Variants in NCKAP5 observed in about 807,000 individuals in gnomAD.
NCKAP5 encodes the protein nck-associated protein 5.
A neutral mutation model predicts 167.0 loss-of-function variants in NCKAP5; 92 were observed. The observed-to-expected ratio is 0.55, with a 90% CI of 0.47 to 0.66. The LOEUF (loss-of-function observed/expected upper bound fraction) is 0.66. Among genes scored for constraint, NCKAP5 ranks in the 30% least tolerant of loss-of-function variants. The probability of loss-of-function intolerance (pLI) is 0.00; values close to 1 mark genes in which losing one functional copy is unlikely to be tolerated. For synonymous variants in NCKAP5, 891 were observed against 877.4 expected (o/e 1.02, Z -0.27); for missense variants, 2,378 against 2,315.0 (o/e 1.03, Z -0.56).
At chr2:133,010,716 A>G (rs137984854) in intron 6 of NCKAP5, among the ~76,000 whole-genome samples, 3 of 152,232 alleles carry the variant, frequency 2.0e-5, no homozygotes, top group African/African-American at 4.8e-5. Flanking sequence ...TTGACATTAA[A>G]CAATAGTCAA....
the NCKAP5 span, among the ~76,000 whole-genome samples, chr2:133,629,410 CA>C: frequency 6.6e-6 from 1 of 152,076 alleles, no homozygotes; most frequent in Non-Finnish European, 1.5e-5. Flanking sequence ...TAGAGAAATG[CA>C]AATCAAAACC....
At chr2:132,907,126 C>G (rs1394274984) in intron 8 of NCKAP5, among the ~76,000 whole-genome samples, 2 of 152,174 alleles carry the variant, frequency 1.3e-5, no homozygotes, top group African/African-American at 4.8e-5. Context: ...TATTACTAAA[C>G]ATTACTTTTA....
intron 6 of NCKAP5, among the ~76,000 whole-genome samples, chr2:133,045,927 T>G (rs948322882): frequency 6.6e-6 from 1 of 152,180 alleles, no homozygotes; most frequent in South Asian, 2.1e-4. Context: ...ACTGAAATAC[T>G]GGATGCCATG....
chr2:132,820,410 A>T (rs1319435827), intron 11 of NCKAP5, among the ~76,000 whole-genome samples: 1 of 151,944 alleles, frequency 6.6e-6, no homozygotes, highest in Non-Finnish European at 1.5e-5. Context: ...TTGTATTTTT[A>T]GTAGAGACGG....
At chr2:132,992,115 AC>A in intron 7 of NCKAP5, among the ~76,000 whole-genome samples, 1 of 152,096 alleles carries the variant, frequency 6.6e-6, no homozygotes, top group Middle Eastern at 3.4e-3. Flanking sequence ...CATGTAACCC[AC>A]CTCCCTTTCC....
intron 3 of NCKAP5, among the ~76,000 whole-genome samples, chr2:133,501,346 C>T (rs965831359): frequency 1.1e-4 from 16 of 152,172 alleles, no homozygotes; most frequent in African/African-American, 3.9e-4. Flanking sequence ...GACTCATACA[C>T]CAATGATCAC....
At chr2:132,716,726 T>G (rs912862573) in intron 19 of NCKAP5, among the ~76,000 whole-genome samples, 1 of 152,128 alleles carries the variant, frequency 6.6e-6, no homozygotes, top group Non-Finnish European at 1.5e-5. Flanking sequence ...TCCAATTTAA[T>G]TGAGCAACGG....
chr2:133,347,326 G>T (rs1159438196), intron 3 of NCKAP5, among the ~76,000 whole-genome samples: 1 of 152,030 alleles, frequency 6.6e-6, no homozygotes, highest in Admixed American at 6.5e-5. Context: ...GGCCAAGGCG[G>T]GCAGATCACC....
At position 132,783,526 on chromosome 2, in the gene NCKAP5, G is replaced by A. The variant is rs201400019; in HGVS notation, c.3285C>T (p.Ser1095=). 2.4e-5 allele frequency: 38 copies of A among 1,613,468 alleles called. No homozygotes were observed. Among genetic ancestry groups the A allele is most frequent in the African/African-American group, 5.3e-5 (4 of 75,004 alleles). Residue 1095 remains serine (S), a synonymous_variant, in exon 14 of 20, where the codon AGC becomes AGT. Transcript: ENST00000409261. ...AGGAAGGCTTGGGGGGTGTGGAGGCGCTATCATTCAATTGTCCTTTTCTCC... is the reference window on the plus strand; with the variant it reads ...AGGAAGGCTTGGGGGGTGTGGAGGCACTATCATTCAATTGTCCTTTTCTCC... ...SPGRKGQLND[S]ASTPPKPSFL... is the part of the protein sequence containing the mutation.
chr2:132,794,458 C>A (rs1198391668), intron 12 of NCKAP5, among the ~76,000 whole-genome samples: 1 of 150,678 alleles, frequency 6.6e-6, no homozygotes, highest in African/African-American at 2.4e-5. Context: ...CATGGTGAAA[C>A]CCCGTCTCTA....
intron 13 of NCKAP5, among the ~76,000 whole-genome samples, chr2:132,788,098 A>G (rs908741724): frequency 2.0e-5 from 3 of 152,158 alleles, no homozygotes; most frequent in African/African-American, 7.2e-5. Context: ...ACTGGAGAAA[A>G]GTCTAGGCCA....
At chr2:132,796,580 G>A (rs1350008584) in intron 12 of NCKAP5, 48 bp downstream of exon 12, 1 of 1,345,070 alleles carries the variant, frequency 7.4e-7, no homozygotes, top group Non-Finnish European at 1.1e-6. Context: ...TTGATGGAAG[G>A]AAAATAACCA....
At chr2:133,521,836 T>A (rs1342215392) in intron 2 of NCKAP5, among the ~76,000 whole-genome samples, 1 of 152,208 alleles carries the variant, frequency 6.6e-6, no homozygotes, top group Non-Finnish European at 1.5e-5. Flanking sequence ...TAACAGTTAT[T>A]TTCAGTCAGG....
At chr2:132,812,951 C>A (rs1285983241) in intron 11 of NCKAP5, among the ~76,000 whole-genome samples, 1 of 152,152 alleles carries the variant, frequency 6.6e-6, no homozygotes, top group Non-Finnish European at 1.5e-5. Context: ...CATAAGAGCT[C>A]TCATGCTCGT....
Position 133,030,607 on chromosome 2 carries a change from CT to C in NCKAP5, c.342-36369del, listed in dbSNP as rs565627833. On this transcript the variant is annotated intron_variant, in intron 6 of 19. Transcript: ENST00000409261. The stretch of plus-strand genomic sequence containing the variant: ...ATTCTGACTGGTCATTTGGATGAAG[CT>C]AGGTTGACATGTGGAAATCTTAAGA... Among the ~76,000 whole-genome samples the C allele has an allele frequency of 4.2e-3, 638 of 152,216 alleles. 3 individuals are homozygous for C. The highest frequency in any genetic ancestry group is 0.014 in the South Asian group (66 of 4,804).
At position 132,856,201 on chromosome 2, in the gene NCKAP5, T is replaced by C. The variant is rs574423629; in HGVS notation, c.807+4291A>G. On this transcript the variant is annotated intron_variant, in intron 11 of 19. Coordinates refer to ENST00000409261, the MANE Select transcript of NCKAP5 (RefSeq NM_207363.3). ...CCCTTGCTGGGACAGCTGTTTCTTA[T>C]ATGTTATTTTCCTTTATTTCACAGC... Among the ~76,000 whole-genome samples the C allele has an allele frequency of 3.9e-5, 6 of 152,276 alleles. No individual in the cohort carries two copies. In the South Asian group the frequency reaches 1.0e-3, roughly 26 times the overall value.
chr2:133,669,953 T>C, the NCKAP5 span, among the ~76,000 whole-genome samples: 1 of 152,236 alleles, frequency 6.6e-6, no homozygotes, highest in Non-Finnish European at 1.5e-5. Context: ...ACAAAGTAGA[T>C]TAATGCAATA....
intron 4 of NCKAP5, among the ~76,000 whole-genome samples, chr2:133,239,753 AT>A (rs1276672617): frequency 2.0e-5 from 3 of 152,192 alleles, no homozygotes; most frequent in African/African-American, 7.2e-5. Context: ...CTTTGCCAAC[AT>A]TTTTTAAAAA....
At chr2:133,477,797 A>C (rs1680063231) in intron 3 of NCKAP5, among the ~76,000 whole-genome samples, 1 of 152,106 alleles carries the variant, frequency 6.6e-6, no homozygotes, top group South Asian at 2.1e-4. Context: ...TGGCATATTC[A>C]GTGTGGACCT....
Sources: allele counts gnomAD v4.1 joint callset (sites outside exome capture counted in the v4.1 genomes callset), GRCh38; gene constraint gnomAD v4.1.1; transcripts MANE v1.5; gene names NCBI Gene and HGNC (gene_info 2026-07-23, HGNC 2026-07-21).